Variants in DOCK4 observed in about 807,000 individuals in gnomAD.
DOCK4 encodes dedicator of cytokinesis protein 4.
DOCK4 carries 97 observed loss-of-function variants against 268.1 expected under a neutral mutation model. The observed-to-expected ratio is 0.36, with a 90% CI of 0.31 to 0.43. The LOEUF (loss-of-function observed/expected upper bound fraction) is 0.43, where lower values mean the gene tolerates loss of function less well. DOCK4 is among the 20% of genes least tolerant of loss of function. DOCK4 has a pLI of 1.00. For synonymous variants in DOCK4, 954 were observed against 887.2 expected, an observed-to-expected ratio of 1.08 and a Z score of -1.34; for missense variants, 2,145 against 2,455.7, an observed-to-expected ratio of 0.87 and a Z score of 2.67.
At chr7:111,771,435 G>T (rs73434211) in intron 36 of DOCK4, among the ~76,000 whole-genome samples, 8,126 of 152,182 alleles carry the variant, frequency 0.053, 687 homozygotes, top group African/African-American at 0.18. Context: ...CACTCTTGCT[G>T]GTCTCTTTCT....
chr7:111,871,924 C>T (rs77558853), intron 20 of DOCK4, 66 bp downstream of exon 20: 92,650 of 1,307,876 alleles, frequency 0.071, 3,657 homozygotes, highest in Middle Eastern at 0.085. Flanking sequence ...TCCTATATCG[C>T]CTCTTCTGCT....
rs564870286 is a variant in DOCK4 at position 112,173,823 on chromosome 7, C to A, written c.37+32279G>T. On this transcript the variant is annotated intron_variant, in intron 1 of 52. Transcript: ENST00000428084. ...CCAGCAAGAAAGGCTACCTAAGCAG[C>A]ATGATGGCCAACAATGCAGTGACCA... 9.9e-5 allele frequency among the ~76,000 whole-genome samples: 15 copies of A among 152,176 alleles called. 1 individual carries two copies. The highest frequency in any genetic ancestry group is 3.1e-4 in the African/African-American group (13 of 41,498).
intron 26 of DOCK4, among the ~76,000 whole-genome samples, chr7:111,827,362 T>C (rs186925140): frequency 1.1e-4 from 17 of 152,266 alleles, no homozygotes; most frequent in Non-Finnish European, 1.9e-4. Context: ...CAGGCAGGAA[T>C]ATTAAGAGCA....
intron 27 of DOCK4, 102 bp downstream of exon 27, chr7:111,822,258 CAA>C: frequency 8.8e-6 from 7 of 799,958 alleles, no homozygotes; most frequent in South Asian, 2.0e-5. Flanking sequence ...AATTCAGAGG[CAA>C]AAAAAAAACT....
Position 112,125,243 on chromosome 7 carries a change from CT to C in DOCK4, c.37+80858del, listed in dbSNP as rs369492817. The stretch of plus-strand genomic sequence containing the variant: ...TGTTTTCAGAGACAATGCTCCCCCC[CT>C]GCCCCATCAGGATGATCCCAAACCC... On this transcript the variant is annotated intron_variant, in intron 1 of 52. Transcript: ENST00000428084. 9.8e-5 allele frequency among the ~76,000 whole-genome samples: 15 copies of C among 152,344 alleles called. No homozygotes were observed. In the East Asian group the frequency reaches 2.3e-3, roughly 23 times the overall value.
chr7:111,745,830 G>A (rs1796226045), intron 44 of DOCK4, among the ~76,000 whole-genome samples: 1 of 150,982 alleles, frequency 6.6e-6, no homozygotes, highest in Admixed American at 6.6e-5. Context: ...CTGAAAATCA[G>A]AAATCCTCCA....
At chr7:112,105,183 G>C (rs17159274) in intron 1 of DOCK4, among the ~76,000 whole-genome samples, 4,188 of 152,238 alleles carry the variant, frequency 0.028, 172 homozygotes, top group African/African-American at 0.095. Context: ...GTAACTCATA[G>C]AGGACAGATT....
chr7:112,069,792 G>A (rs1807422506), intron 1 of DOCK4, among the ~76,000 whole-genome samples: 1 of 151,928 alleles, frequency 6.6e-6, no homozygotes. Context: ...CATTAAAAAA[G>A]AAATAAGAAA....
At chr7:111,947,267 C>A (rs1287901910) in intron 8 of DOCK4, among the ~76,000 whole-genome samples, 1 of 152,186 alleles carries the variant, frequency 6.6e-6, no homozygotes, top group African/African-American at 2.4e-5. Context: ...ATAAACAGAT[C>A]TCTAAGGAAG....
At chr7:112,065,007 G>A (rs1299822619) in intron 1 of DOCK4, among the ~76,000 whole-genome samples, 2 of 152,142 alleles carry the variant, frequency 1.3e-5, no homozygotes, top group Non-Finnish European at 2.9e-5. Context: ...ATAAGTTTCT[G>A]TTGTTTCAGC....
intron 31 of DOCK4, 160 bp from the exon 32 acceptor site, chr7:111,788,907 T>G (rs901909758): frequency 1.2e-5 from 8 of 670,824 alleles, no homozygotes; most frequent in African/African-American, 3.5e-5. Flanking sequence ...TTTGGAATTC[T>G]AAGGGACTAA....
chr7:111,847,709 T>G (rs6950925), intron 23 of DOCK4, among the ~76,000 whole-genome samples: 1 of 152,204 alleles, frequency 6.6e-6, no homozygotes, highest in South Asian at 2.1e-4. Flanking sequence ...TCTGCCACCA[T>G]GTAAGATGTG....
At chr7:111,962,586 G>C (rs1421740069) in intron 8 of DOCK4, among the ~76,000 whole-genome samples, 3 of 152,270 alleles carry the variant, frequency 2.0e-5, no homozygotes, top group Non-Finnish European at 2.9e-5. Context: ...TGTCTTGGGG[G>C]TGAAGAGATA....
Position 112,094,945 on chromosome 7 carries a change from C to T in DOCK4, c.38-90814G>A, listed in dbSNP as rs535595061. On this transcript the variant is annotated intron_variant, in intron 1 of 52. Coordinates refer to ENST00000428084, the MANE Select transcript of DOCK4 (RefSeq NM_001363540.2). ...CATGAGGCCTCCCCAGAAGCAGATG[C>T]CAGCACCATGCTTCCTGTACTGCCT... Among the ~76,000 whole-genome samples, 10 of 152,300 alleles carry T rather than the reference C, an allele frequency of 6.6e-5. No individual in the cohort carries two copies. The East Asian group carries it at 1.2e-3, about 18-fold the overall frequency.
intron 41 of DOCK4, 121 bp downstream of exon 41, chr7:111,758,503 A>G: frequency 8.7e-7 from 1 of 1,145,086 alleles, no homozygotes; most frequent in Non-Finnish European, 1.2e-6. Flanking sequence ...TAAATGATTT[A>G]TATAGTCCCT....
chr7:112,187,188 T>C (rs1819552383), intron 1 of DOCK4, among the ~76,000 whole-genome samples: 1 of 152,158 alleles, frequency 6.6e-6, no homozygotes, highest in Admixed American at 6.5e-5. Flanking sequence ...AACTCACGTG[T>C]TACAACCATA....
intron 12 of DOCK4, among the ~76,000 whole-genome samples, chr7:111,934,706 T>TA (rs1427368712): frequency 7.0e-6 from 1 of 142,440 alleles, no homozygotes; most frequent in East Asian, 2.0e-4. Context: ...ATTTTTGTAT[T>TA]TTTTTTTTTT....
chr7:111,870,528 G>A (rs1806334911), intron 20 of DOCK4, among the ~76,000 whole-genome samples: 1 of 151,896 alleles, frequency 6.6e-6, no homozygotes, highest in African/African-American at 2.4e-5. Context: ...CACCATGTTG[G>A]TCAGGCTGGT....
intron 1 of DOCK4, among the ~76,000 whole-genome samples, chr7:112,141,308 A>G (rs1250955299): frequency 1.3e-5 from 2 of 152,202 alleles, no homozygotes; most frequent in African/African-American, 4.8e-5. Context: ...AAAACTTGCA[A>G]TCTGTGATGG....
Sources: allele counts gnomAD v4.1 joint callset (sites outside exome capture counted in the v4.1 genomes callset), GRCh38; gene constraint gnomAD v4.1.1; transcripts MANE v1.5; gene names NCBI Gene and HGNC (gene_info 2026-07-23, HGNC 2026-07-21).